SLC12A8: variants seen among roughly 807,000 people sequenced by gnomAD.
SLC12A8 encodes the protein solute carrier family 12 member 8.
In SLC12A8, 69 loss-of-function variants were observed where a neutral mutation model predicts 75.6. The observed-to-expected ratio is 0.91, with a 90% CI of 0.75 to 1.11. The LOEUF is 1.11. Among genes scored for constraint, SLC12A8 ranks in the 50% most tolerant of loss-of-function variants. The pLI, the probability that SLC12A8 is intolerant of heterozygous loss-of-function variation, is 0.00. For missense variants in SLC12A8, 877 were observed against 896.7 expected (o/e 0.98, Z 0.28); for synonymous variants, 365 against 372.8 (o/e 0.98, Z 0.24).
chr3:125,106,590 A>G lies in SLC12A8; in HGVS notation c.1705+891T>C, dbSNP rs143190438. ...GGCTAATTATTTGTATTTTTAGTAG[A>G]GACAAGGTTTCACCATGTTGGTCAG... is the stretch of plus-strand genomic sequence containing the variant. On this transcript the variant is annotated intron_variant, in intron 10 of 13. Coordinates refer to ENST00000469902, the MANE Select transcript of SLC12A8 (RefSeq NM_024628.6). Among the ~76,000 whole-genome samples, 179 of 152,312 alleles carry G rather than the reference A, an allele frequency of 1.2e-3. 1 individual carries two copies. Among genetic ancestry groups the G allele is most frequent in the African/African-American group, 4.2e-3 (173 of 41,572 alleles).
At position 125,177,949 on chromosome 3, in the gene SLC12A8, G is replaced by A. The variant is rs1216895689; in HGVS notation, c.416C>T (p.Thr139Ile). Residue 139 changes from threonine to isoleucine, a missense_variant, in exon 5 of 14, where the codon ACC (threonine) becomes ATC (isoleucine). By Grantham distance (89) the Thr-to-Ile change is moderately conservative. Coordinates refer to ENST00000469902, the MANE Select transcript of SLC12A8 (RefSeq NM_024628.6). The part of the protein sequence containing the change: ...GQCVAGAMYI[T>I]GFAESISDLL... ...ATCCGAGATGGATTCAGCAAAGCCGGTGATATACATGGCACCTGCAACACA... is the reference window on the plus strand; with the variant it reads ...ATCCGAGATGGATTCAGCAAAGCCGATGATATACATGGCACCTGCAACACA... 1 of 1,613,640 alleles carries A rather than the reference G, an allele frequency of 6.2e-7. No homozygotes were observed. Among genetic ancestry groups the A allele is most frequent in the South Asian group, 1.1e-5 (1 of 90,926 alleles).
intron 6 of SLC12A8, among the ~76,000 whole-genome samples, chr3:125,125,224 T>G (rs1410165792): frequency 6.6e-6 from 1 of 152,048 alleles, no homozygotes; most frequent in Non-Finnish European, 1.5e-5. Context: ...CTATTTGGTC[T>G]CGACACTTTT....
intron 5 of SLC12A8, among the ~76,000 whole-genome samples, chr3:125,146,949 G>A (rs1933789533): frequency 1.3e-5 from 2 of 152,216 alleles, no homozygotes; most frequent in African/African-American, 4.8e-5. Flanking sequence ...CACCAATGTA[G>A]GCAGAAATCA....
intron 10 of SLC12A8, among the ~76,000 whole-genome samples, chr3:125,107,097 A>G (rs1298195118): frequency 6.6e-6 from 1 of 152,208 alleles, no homozygotes; most frequent in Non-Finnish European, 1.5e-5. Flanking sequence ...TTCCACAAAG[A>G]AAACATATTG....
chr3:125,172,904 C>G (rs1041563941), intron 5 of SLC12A8, among the ~76,000 whole-genome samples: 1 of 152,264 alleles, frequency 6.6e-6, no homozygotes, highest in South Asian at 2.1e-4. Flanking sequence ...ACTGGTCAGG[C>G]GCAGTGGCTC....
chr3:125,144,438 G>T (rs2107766954), intron 5 of SLC12A8, among the ~76,000 whole-genome samples: 1 of 152,246 alleles, frequency 6.6e-6, no homozygotes, highest in African/African-American at 2.4e-5. Context: ...CCCTGCAGAG[G>T]GGTCCAGAGG....
At chr3:125,089,464 A>C (rs1938534577) in intron 12 of SLC12A8, among the ~76,000 whole-genome samples, 1 of 152,138 alleles carries the variant, frequency 6.6e-6, no homozygotes, top group East Asian at 1.9e-4. Flanking sequence ...AAATTTCTTA[A>C]GATCAAACTA....
rs114638732 is a variant in SLC12A8 at position 125,122,767 on chromosome 3, C to G, written c.737-2081G>C. Reference sequence around the variant, plus strand: ...GGAAATCCATGCCCACAACCAAGATCACCCAATGTGTGATGAAAACCAGCA... The same window carrying G: ...GGAAATCCATGCCCACAACCAAGATGACCCAATGTGTGATGAAAACCAGCA... On this transcript the variant is annotated intron_variant, in intron 6 of 13. Coordinates refer to ENST00000469902, the MANE Select transcript of SLC12A8 (RefSeq NM_024628.6). 8.6e-3 allele frequency among the ~76,000 whole-genome samples: 1,302 copies of G among 152,278 alleles called. 20 individuals are homozygous for G. The highest frequency in any genetic ancestry group is 0.029 in the African/African-American group (1,223 of 41,534).
intron 10 of SLC12A8, among the ~76,000 whole-genome samples, chr3:125,098,097 A>C (rs1938761869): frequency 6.6e-6 from 1 of 152,226 alleles, no homozygotes; most frequent in Admixed American, 6.5e-5. Flanking sequence ...TAATAAATTT[A>C]AGTAATTTTA....
intron 5 of SLC12A8, among the ~76,000 whole-genome samples, chr3:125,150,353 G>T (rs2107770843): frequency 6.6e-6 from 1 of 152,332 alleles, no homozygotes; most frequent in Non-Finnish European, 1.5e-5. Context: ...GGGGTCCATT[G>T]TGTACATGGA....
At chr3:125,104,462 T>C (rs1406772595) in intron 10 of SLC12A8, among the ~76,000 whole-genome samples, 1 of 130,052 alleles carries the variant, frequency 7.7e-6, no homozygotes, top group Non-Finnish European at 1.6e-5. Context: ...AGAGAGAAGA[T>C]AAGCCATTGT....
intron 2 of SLC12A8, among the ~76,000 whole-genome samples, chr3:125,205,374 C>G (rs1487602580): frequency 6.6e-6 from 1 of 151,302 alleles, no homozygotes; most frequent in Non-Finnish European, 1.5e-5. Context: ...AGTCACAGAA[C>G]CCTGCCTAAC....
intron 13 of SLC12A8, among the ~76,000 whole-genome samples, chr3:125,084,878 A>G (rs989298176): frequency 2.6e-5 from 4 of 152,250 alleles, no homozygotes; most frequent in Non-Finnish European, 5.9e-5. Context: ...TACCTTAGAC[A>G]TGGATTTCCT....
chr3:125,169,691 G>A (rs1467653922), intron 5 of SLC12A8, among the ~76,000 whole-genome samples: 2 of 152,182 alleles, frequency 1.3e-5, no homozygotes, highest in African/African-American at 4.8e-5. Flanking sequence ...TTCTTCTCTG[G>A]AGAATACGAA....
chr3:125,112,361 G>A (rs1378246200), intron 8 of SLC12A8, among the ~76,000 whole-genome samples: 1 of 152,078 alleles, frequency 6.6e-6, no homozygotes, highest in Non-Finnish European at 1.5e-5. Context: ...GGAAATCAAT[G>A]TCATCTAGTG....
intron 5 of SLC12A8, among the ~76,000 whole-genome samples, chr3:125,162,957 G>C (rs1934206084): frequency 6.6e-6 from 1 of 152,140 alleles, no homozygotes; most frequent in Non-Finnish European, 1.5e-5. Context: ...GTCAGAAAGG[G>C]ATGGGAAGAA....
chr3:125,119,538 G>T (rs1216436268), intron 7 of SLC12A8, among the ~76,000 whole-genome samples: 2 of 152,204 alleles, frequency 1.3e-5, no homozygotes, highest in African/African-American at 4.8e-5. Context: ...CAGAGGATGG[G>T]CCAAGGGTTC....
At chr3:125,168,226 C>A (rs1315083117) in intron 5 of SLC12A8, among the ~76,000 whole-genome samples, 1 of 148,538 alleles carries the variant, frequency 6.7e-6, no homozygotes, top group African/African-American at 2.6e-5. Context: ...AATAAAAGTT[C>A]TTTTCCAAGT....
intron 5 of SLC12A8, among the ~76,000 whole-genome samples, chr3:125,167,604 A>G (rs1934317586): frequency 6.6e-6 from 1 of 152,340 alleles, no homozygotes; most frequent in Non-Finnish European, 1.5e-5. Context: ...AGATGTAAAT[A>G]TGATTTTCAT....
Sources: gnomAD v4.1 joint callset for allele counts (sites outside exome capture counted in the v4.1 genomes callset) on GRCh38, gnomAD v4.1.1 for gene constraint, MANE v1.5 for transcripts, NCBI Gene and HGNC (gene_info 2026-07-23, HGNC 2026-07-21) for gene names.